The following CDK14 variants were observed in gnomAD, a reference collection of about 807,000 sequenced individuals.
CDK14 encodes cyclin-dependent kinase 14.
CDK14 carries 34 observed loss-of-function variants against 60.7 expected under a neutral mutation model. The ratio of observed to expected loss-of-function variants is 0.56; its 90% confidence interval spans 0.43 to 0.75. The LOEUF (loss-of-function observed/expected upper bound fraction) is 0.75. Ranked by LOEUF, CDK14 falls within the 30% of genes least tolerant of loss-of-function variation. The probability of loss-of-function intolerance (pLI) is 0.00; values close to 1 mark genes in which losing one functional copy is unlikely to be tolerated. For missense variants in CDK14, 482 were observed against 564.1 expected (o/e 0.85, Z 1.47); for synonymous variants, 197 against 203.7 (o/e 0.97, Z 0.28).
At chr7:90,743,415 A>G (rs1218210861) in intron 3 of CDK14, among the ~76,000 whole-genome samples, 1 of 152,140 alleles carries the variant, frequency 6.6e-6, no homozygotes, top group Non-Finnish European at 1.5e-5. Flanking sequence ...GCAGGTTTCA[A>G]TATTGAGCTC....
At chr7:90,787,781 A>G (rs1302717606) in intron 4 of CDK14, among the ~76,000 whole-genome samples, 1 of 152,208 alleles carries the variant, frequency 6.6e-6, no homozygotes, top group African/African-American at 2.4e-5. Flanking sequence ...TTAAAAACAA[A>G]CACTTGGAGG....
intron 3 of CDK14, among the ~76,000 whole-genome samples, chr7:90,746,863 A>AT (rs1375120944): frequency 6.6e-6 from 1 of 152,188 alleles, no homozygotes; most frequent in Non-Finnish European, 1.5e-5. Flanking sequence ...AGAGAGTTCC[A>AT]TTTTGTATTA....
chr7:90,809,767 A>G (rs1401706870), intron 5 of CDK14, among the ~76,000 whole-genome samples: 2 of 152,362 alleles, frequency 1.3e-5, no homozygotes, highest in East Asian at 3.9e-4. Flanking sequence ...AATAGAAGCA[A>G]TAAAAAATGA....
chr7:91,160,502 G>T (rs958072603), intron 14 of CDK14, among the ~76,000 whole-genome samples: 1 of 152,058 alleles, frequency 6.6e-6, no homozygotes, highest in Admixed American at 6.5e-5. Context: ...TATGATGGGG[G>T]GGGATATAAA....
intron 4 of CDK14, among the ~76,000 whole-genome samples, chr7:90,781,059 C>G (rs1468765623): frequency 6.6e-6 from 1 of 152,044 alleles, no homozygotes; most frequent in Non-Finnish European, 1.5e-5. Context: ...TCCTCTCCAG[C>G]ACCTGTTGTT....
At chr7:90,831,151 A>G (rs1023251405) in intron 5 of CDK14, among the ~76,000 whole-genome samples, 3 of 152,166 alleles carry the variant, frequency 2.0e-5, no homozygotes, top group Admixed American at 6.5e-5. Flanking sequence ...ACTTTTCTGT[A>G]TTAGTTCATT....
chr7:90,687,282 C>T (rs1025406645), intron 2 of CDK14, among the ~76,000 whole-genome samples: 1 of 151,974 alleles, frequency 6.6e-6, no homozygotes, highest in African/African-American at 2.4e-5. Context: ...AAATCATCCT[C>T]AACATGAGTC....
intron 4 of CDK14, among the ~76,000 whole-genome samples, chr7:90,768,370 CAT>C (rs1232583326): frequency 1.3e-5 from 2 of 152,078 alleles, no homozygotes; most frequent in African/African-American, 2.4e-5. Flanking sequence ...TATTTGTGCA[CAT>C]GTGTGTGAGT....
chr7:90,977,962 G>A (rs1296235790), intron 9 of CDK14, among the ~76,000 whole-genome samples: 3 of 152,126 alleles, frequency 2.0e-5, no homozygotes, highest in Non-Finnish European at 4.4e-5. Context: ...GTGTTATAAA[G>A]GGGACAAACT....
chr7:90,868,617 T>C (rs1791267226), intron 6 of CDK14, among the ~76,000 whole-genome samples: 1 of 152,138 alleles, frequency 6.6e-6, no homozygotes, highest in Non-Finnish European at 1.5e-5. Flanking sequence ...AAAAATATTG[T>C]ATTTCACATG....
intron 2 of CDK14, among the ~76,000 whole-genome samples, chr7:90,621,322 T>A (rs1462636510): frequency 6.6e-6 from 1 of 152,238 alleles, no homozygotes; most frequent in Non-Finnish European, 1.5e-5. Flanking sequence ...CTACTCCATG[T>A]GTCTTGTGTT....
intron 14 of CDK14, among the ~76,000 whole-genome samples, chr7:91,160,844 A>G (rs1801149695): frequency 6.6e-6 from 1 of 152,176 alleles, no homozygotes; most frequent in Admixed American, 6.5e-5. Flanking sequence ...ACAGGCCCAT[A>G]CATTTAAATA....
intron 5 of CDK14, among the ~76,000 whole-genome samples, chr7:90,842,321 G>T (rs1790325243): frequency 6.6e-6 from 1 of 152,128 alleles, no homozygotes; most frequent in South Asian, 2.1e-4. Context: ...AAAGTGCTGT[G>T]TCAGACTCAT....
At chr7:90,916,587 T>C (rs1413066798) in intron 7 of CDK14, among the ~76,000 whole-genome samples, 1 of 152,228 alleles carries the variant, frequency 6.6e-6, no homozygotes, top group Non-Finnish European at 1.5e-5. Flanking sequence ...AATCTTTCTA[T>C]CATTCGTCTT....
rs1563035869 is a variant in CDK14, at chr7:90,663,898, T to C, written c.123+59649T>C. 1.3e-5 allele frequency among the ~76,000 whole-genome samples: 2 copies of C among 152,192 alleles called. 1 individual carries two copies. Among genetic ancestry groups the C allele is most frequent in the Non-Finnish European group, 2.9e-5 (2 of 68,034 alleles). ...TATTTTATATTTTCCTTAAAAACTT[T>C]CCAAATTGTTGTTTTTTTTTCTGAG... On this transcript the variant is annotated intron_variant, in intron 2 of 14. Transcript: ENST00000380050.
intron 14 of CDK14, among the ~76,000 whole-genome samples, chr7:91,179,587 G>T (rs1362496229): frequency 1.3e-5 from 2 of 151,874 alleles, no homozygotes; most frequent in Admixed American, 6.6e-5. Flanking sequence ...CGGATCACGA[G>T]GTCAAGAGAT....
At chr7:90,706,670 C>A (rs1036523349) in intron 2 of CDK14, among the ~76,000 whole-genome samples, 1 of 152,052 alleles carries the variant, frequency 6.6e-6, no homozygotes, top group African/African-American at 2.4e-5. Flanking sequence ...AACAAGTCAG[C>A]CAAGGGGTTA....
chr7:90,916,853 T>C (rs532215096), intron 7 of CDK14, among the ~76,000 whole-genome samples: 2 of 152,352 alleles, frequency 1.3e-5, no homozygotes, highest in East Asian at 3.9e-4. Flanking sequence ...GATCCAATAT[T>C]AAACTTCACA....
chr7:91,051,421 C>T (rs925139969), intron 11 of CDK14, among the ~76,000 whole-genome samples: 1 of 152,108 alleles, frequency 6.6e-6, no homozygotes, highest in Non-Finnish European at 1.5e-5. Flanking sequence ...CTTTTTTGAA[C>T]CTGATTACCT....
Sources: gnomAD v4.1 joint callset for allele counts (sites outside exome capture counted in the v4.1 genomes callset) on GRCh38, gnomAD v4.1.1 for gene constraint, MANE v1.5 for transcripts, NCBI Gene and HGNC (gene_info 2026-07-23, HGNC 2026-07-21) for gene names.